Variants in ZNF804A observed in about 807,000 individuals in gnomAD.
ZNF804A encodes zinc finger protein 804A.
In ZNF804A, 2 loss-of-function variants were observed where a neutral mutation model predicts 16.5. The observed-to-expected ratio is 0.12, with a 90% CI of 0.05 to 0.38. ZNF804A has a LOEUF of 0.38. ZNF804A is among the 10% of genes least tolerant of loss of function. The pLI, the probability that ZNF804A is intolerant of heterozygous loss-of-function variation, is 0.99. For synonymous variants in ZNF804A, 534 were observed against 489.6 expected (o/e 1.09, Z -1.20); for missense variants, 1,473 against 1,390.7 (o/e 1.06, Z -0.94).
chr2:184,657,430 A>T (rs1045135782), intron 1 of ZNF804A, among the ~76,000 whole-genome samples: 2 of 152,076 alleles, frequency 1.3e-5, no homozygotes, highest in Non-Finnish European at 2.9e-5. Context: ...TTAATTGTCA[A>T]TGTTTCAGGA....
At chr2:184,790,194 G>C (rs1306783320) in intron 1 of ZNF804A, among the ~76,000 whole-genome samples, 1 of 150,980 alleles carries the variant, frequency 6.6e-6, no homozygotes, top group Non-Finnish European at 1.5e-5. Context: ...AAAATACTTG[G>C]TACAACTTCA....
At chr2:184,797,826 AG>A (rs1476607794) in intron 1 of ZNF804A, among the ~76,000 whole-genome samples, 1 of 151,894 alleles carries the variant, frequency 6.6e-6, no homozygotes, top group African/African-American at 2.4e-5. Context: ...TGCTTTAAAG[AG>A]TTTCTGTTTT....
chr2:184,684,347 G>T (rs1692594854), intron 1 of ZNF804A, among the ~76,000 whole-genome samples: 1 of 152,092 alleles, frequency 6.6e-6, no homozygotes. Flanking sequence ...AAATGAATAG[G>T]ATTTCTCTGT....
intron 1 of ZNF804A, among the ~76,000 whole-genome samples, chr2:184,785,862 G>A (rs1694440197): frequency 6.6e-6 from 1 of 151,902 alleles, no homozygotes; most frequent in South Asian, 2.1e-4. Flanking sequence ...GAATCAGCTG[G>A]GGCAATTCAA....
chr2:184,881,305 G>T (rs1684807188), intron 2 of ZNF804A, among the ~76,000 whole-genome samples: 1 of 151,562 alleles, frequency 6.6e-6, no homozygotes, highest in African/African-American at 2.4e-5. Context: ...TGGCGTCCCT[G>T]AAAGACAGGT....
chr2:184,816,229 G>A (rs1446369793), intron 1 of ZNF804A, among the ~76,000 whole-genome samples: 1 of 151,968 alleles, frequency 6.6e-6, no homozygotes. Context: ...GGCAGCAATG[G>A]CGCCTAATTC....
intron 1 of ZNF804A, among the ~76,000 whole-genome samples, chr2:184,860,001 G>T (rs1177424538): frequency 6.6e-6 from 1 of 152,220 alleles, no homozygotes; most frequent in Admixed American, 6.5e-5. Context: ...TGAAAATGGA[G>T]CCTTAACTCC....
chr2:184,826,539 C>T (rs1052166039), intron 1 of ZNF804A, among the ~76,000 whole-genome samples: 2 of 152,018 alleles, frequency 1.3e-5, no homozygotes, highest in Non-Finnish European at 2.9e-5. Flanking sequence ...TAATGGTCTG[C>T]TAACCATTTA....
At chr2:184,772,296 TTTC>T (rs1353266322) in intron 1 of ZNF804A, among the ~76,000 whole-genome samples, 1 of 151,598 alleles carries the variant, frequency 6.6e-6, no homozygotes, top group Non-Finnish European at 1.5e-5. Context: ...GCAGTCACTG[TTTC>T]TTCTTCTACT....
intron 1 of ZNF804A, among the ~76,000 whole-genome samples, chr2:184,704,305 A>G (rs1341261096): frequency 6.6e-6 from 1 of 152,032 alleles, no homozygotes; most frequent in Non-Finnish European, 1.5e-5. Context: ...GGCATGCTCC[A>G]ACATGCCTGA....
intron 1 of ZNF804A, among the ~76,000 whole-genome samples, chr2:184,854,525 T>A (rs763875139): frequency 3.3e-5 from 5 of 151,948 alleles, no homozygotes; most frequent in Non-Finnish European, 5.9e-5. Flanking sequence ...TTGCTGAAAA[T>A]GTCAAAAGGA....
chr2:184,645,872 T>TA, intron 1 of ZNF804A, among the ~76,000 whole-genome samples: 1 of 152,288 alleles, frequency 6.6e-6, no homozygotes, highest in South Asian at 2.1e-4. Flanking sequence ...GTGTGGCTGA[T>TA]AAAAGTAAGT....
intron 1 of ZNF804A, among the ~76,000 whole-genome samples, chr2:184,812,181 A>G (rs1452163927): frequency 1.3e-5 from 2 of 152,212 alleles, no homozygotes; most frequent in African/African-American, 2.4e-5. Context: ...TACAAGCTCC[A>G]TAATAACTCT....
chr2:184,872,227 C>T (rs1460501603), intron 2 of ZNF804A, among the ~76,000 whole-genome samples: 1 of 152,022 alleles, frequency 6.6e-6, no homozygotes, highest in Admixed American at 6.6e-5. Flanking sequence ...ATCTAACTTT[C>T]ATATGAAGAA....
chr2:184,870,230 A>T (rs1695954989), intron 2 of ZNF804A, among the ~76,000 whole-genome samples: 1 of 151,986 alleles, frequency 6.6e-6, no homozygotes, highest in South Asian at 2.1e-4. Flanking sequence ...CAATGCTTTC[A>T]TTTTTAAGGT....
At chr2:184,639,181 C>T (rs1347303857) in intron 1 of ZNF804A, among the ~76,000 whole-genome samples, 4 of 145,808 alleles carry the variant, frequency 2.7e-5, no homozygotes, top group Admixed American at 7.1e-5. Flanking sequence ...TCAAGAAATT[C>T]TCTTGCTTCA....
chr2:184,891,758 G>A lies in ZNF804A; in HGVS notation c.255+25246G>A, dbSNP rs149408132. 3.9e-5 allele frequency among the ~76,000 whole-genome samples: 6 copies of A among 152,032 alleles called. No homozygotes were observed. The East Asian group carries it at 1.2e-3, about 29-fold the overall frequency. On this transcript the variant is annotated intron_variant, in intron 2 of 3. Coordinates refer to ENST00000302277, the MANE Select transcript of ZNF804A (RefSeq NM_194250.2). ...CATATTCTTTATATACCTAACAATCGACAAAGAATTAACTTTATCCAGTAT... is the reference window on the plus strand; with the variant it reads ...CATATTCTTTATATACCTAACAATCAACAAAGAATTAACTTTATCCAGTAT...
At chr2:184,616,683 G>A (rs766834424) in intron 1 of ZNF804A, among the ~76,000 whole-genome samples, 2 of 152,124 alleles carry the variant, frequency 1.3e-5, no homozygotes, top group Non-Finnish European at 2.9e-5. Flanking sequence ...CCCATAAATA[G>A]CCTATAAGTA....
chr2:184,816,075 AT>A (rs761762757), intron 1 of ZNF804A, among the ~76,000 whole-genome samples: 39 of 152,120 alleles, frequency 2.6e-4, no homozygotes, highest in Non-Finnish European at 4.6e-4. Flanking sequence ...TCATCATTCC[AT>A]TTTCCTCACT....
Sources: gnomAD v4.1 joint callset for allele counts (sites outside exome capture counted in the v4.1 genomes callset) on GRCh38, gnomAD v4.1.1 for gene constraint, MANE v1.5 for transcripts, NCBI Gene and HGNC (gene_info 2026-07-23, HGNC 2026-07-21) for gene names.